Variants in ACOT7 observed in about 807,000 individuals in gnomAD.
ACOT7 encodes acyl-CoA thioesterase 7.
A neutral mutation model predicts 40.2 loss-of-function variants in ACOT7; 12 were observed. The ratio of observed to expected loss-of-function variants is 0.30; its 90% confidence interval spans 0.19 to 0.48. The LOEUF (loss-of-function observed/expected upper bound fraction) is 0.48. Among genes scored for constraint, ACOT7 ranks in the 20% least tolerant of loss-of-function variants. ACOT7 has a pLI of 0.99. For synonymous variants in ACOT7, 228 were observed against 219.5 expected, an observed-to-expected ratio of 1.04 and a Z score of -0.34; for missense variants, 395 against 530.8, an observed-to-expected ratio of 0.74 and a Z score of 2.51.
chr1:6,271,163 C>T (rs1377419613), intron 8 of ACOT7, among the ~76,000 whole-genome samples: 2 of 152,218 alleles, frequency 1.3e-5, no homozygotes, highest in African/African-American at 4.8e-5. Context: ...GAGCCAAGTG[C>T]TGCAAACCAA....
chr1:6,266,026 A>T (rs564690485), intron 8 of ACOT7, among the ~76,000 whole-genome samples: 2 of 152,172 alleles, frequency 1.3e-5, no homozygotes, highest in African/African-American at 4.8e-5. Flanking sequence ...CCTGGAGCCA[A>T]TGGAATCTTC....
intron 1 of ACOT7, among the ~76,000 whole-genome samples, chr1:6,388,072 C>G (rs1230469132): frequency 6.6e-6 from 1 of 150,436 alleles, no homozygotes; most frequent in Non-Finnish European, 1.5e-5. Flanking sequence ...TCCCAAGTAA[C>G]TGGGATTACA....
chr1:6,267,845 G>A (rs1638897096), intron 8 of ACOT7, among the ~76,000 whole-genome samples: 1 of 152,300 alleles, frequency 6.6e-6, no homozygotes, highest in African/African-American at 2.4e-5. Context: ...CTGGAGCCGG[G>A]TGTGAATCCT....
At chr1:6,339,289 T>C in intron 3 of ACOT7, 144 bp downstream of exon 3, 1 of 1,178,988 alleles carries the variant, frequency 8.5e-7, no homozygotes, top group Non-Finnish European at 1.2e-6. Context: ...ACATAGCTGC[T>C]CCCAGGGCCA....
rs190483487 is a variant in ACOT7, at chr1:6,352,512, C to T, written c.144-2646G>A. 3.4e-3 allele frequency among the ~76,000 whole-genome samples: 521 copies of T among 152,354 alleles called. 3 individuals carry two copies. Among genetic ancestry groups the T allele is most frequent in the African/African-American group, 0.012 (504 of 41,584 alleles). On this transcript the variant is annotated intron_variant, in intron 1 of 8. Transcript: ENST00000361521. The surrounding 1 kb of genome is among the most constrained non-coding windows in gnomAD (Gnocchi z 4.5). ...CATCCCAGGACAGGGTCATGACTGC[C>T]TCTGTCTAAAGGCAGGCAGGGGTGA...
chr1:6,377,106 C>G (rs1398200447), intron 1 of ACOT7, among the ~76,000 whole-genome samples: 1 of 152,224 alleles, frequency 6.6e-6, no homozygotes, highest in Admixed American at 6.5e-5. Context: ...GGATGTGGAG[C>G]ACAGGAGCCC....
chr1:6,273,660 A>T (rs938717765), intron 8 of ACOT7, among the ~76,000 whole-genome samples: 6 of 152,254 alleles, frequency 3.9e-5, no homozygotes, highest in Non-Finnish European at 8.8e-5. Context: ...GAATTTCCTA[A>T]ATTAGTCAAC....
chr1:6,366,049 C>T (rs1642003679), intron 1 of ACOT7, among the ~76,000 whole-genome samples: 1 of 151,798 alleles, frequency 6.6e-6, no homozygotes, highest in Admixed American at 6.6e-5. Context: ...CACGCGTCAC[C>T]ACGCCCAGCT....
In ACOT7 at chr1:6,340,013, T is replaced by A. The variant is rs1641227613; in HGVS notation, c.262-424A>T. 2.7e-5 allele frequency among the ~76,000 whole-genome samples: 4 copies of A among 150,852 alleles called. No homozygotes were observed. In the South Asian group the frequency reaches 8.3e-4, roughly 31 times the overall value. On this transcript the variant is annotated intron_variant, in intron 2 of 8. Transcript: ENST00000361521. ...TGGAGTCTCGCTCTGTCACCCAGGC[T>A]GGAGTGCAGTGGTGCGATCTCCCCT...
rs188240356 is a variant in ACOT7 at position 6,352,731 on chromosome 1, C to T, written c.144-2865G>A. 7.9e-5 allele frequency among the ~76,000 whole-genome samples: 12 copies of T among 151,606 alleles called. No individual in the cohort carries two copies. Among genetic ancestry groups the T allele is most frequent in the African/African-American group, 1.9e-4 (8 of 41,292 alleles). On this transcript the variant is annotated intron_variant, in intron 1 of 8. Transcript: ENST00000361521. The surrounding 1 kb of genome is among the most constrained non-coding windows in gnomAD (Gnocchi z 4.5). ...CCGAGTAGCTGGCACTACAGGCGCC[C>T]GCCACCACGCCCGGCTAATTTTTTG...
intron 3 of ACOT7, among the ~76,000 whole-genome samples, chr1:6,334,539 T>C (rs531107563): frequency 4.3e-4 from 66 of 152,326 alleles, no homozygotes; most frequent in African/African-American, 1.5e-3. Context: ...CCCCAGGAAC[T>C]TCCTTTCCTT....
intron 2 of ACOT7, among the ~76,000 whole-genome samples, chr1:6,346,679 A>G (rs1641433821): frequency 1.3e-5 from 2 of 152,236 alleles, no homozygotes; most frequent in Admixed American, 1.3e-4. Context: ...CTGCTGGAGA[A>G]CAAACCAGGC....
rs1487291618 is a variant in ACOT7 at position 6,288,026 on chromosome 1, T to C, written c.830-6740A>G. Among the ~76,000 whole-genome samples, 2 of 152,124 alleles carry C rather than the reference T, an allele frequency of 1.3e-5. No homozygotes were observed. The highest frequency in any genetic ancestry group is 6.5e-5 in the Admixed American group (1 of 15,274). On this transcript the variant is annotated intron_variant, in intron 7 of 8. Coordinates refer to ENST00000361521, the MANE Select transcript of ACOT7 (RefSeq NM_007274.4). This position sits in a 1 kb window ranked among gnomAD's most constrained non-coding sequence, Gnocchi z 4.3. ...AACTATTACACTGAAGGCAACGATA[T>C]AACTTTTTCACACCAGCTACCTCTG...
chr1:6,381,581 G>A (rs531822673), intron 1 of ACOT7, among the ~76,000 whole-genome samples: 7 of 151,708 alleles, frequency 4.6e-5, no homozygotes, highest in Non-Finnish European at 1.5e-5. Context: ...GTACACTGTC[G>A]GTGGAAATGT....
At chr1:6,303,677 C>A (rs538927013) in intron 6 of ACOT7, among the ~76,000 whole-genome samples, 2 of 152,290 alleles carry the variant, frequency 1.3e-5, no homozygotes, top group East Asian at 3.9e-4. Context: ...GTAACTTCAT[C>A]TTGTTTTAAA....
intron 1 of ACOT7, among the ~76,000 whole-genome samples, chr1:6,364,818 G>C (rs184036377): frequency 7.3e-6 from 1 of 137,476 alleles, no homozygotes; most frequent in Non-Finnish European, 1.5e-5. Flanking sequence ...ACTGCACTCC[G>C]GCCTGGGGAC....
chr1:6,392,225 A>ATGAC (rs1642543826), intron 1 of ACOT7, among the ~76,000 whole-genome samples: 1 of 152,200 alleles, frequency 6.6e-6, no homozygotes, highest in Non-Finnish European at 1.5e-5. Context: ...GCCCAAGGTC[A>ATGAC]GTCTGTGATG....
chr1:6,370,759 C>T (rs1481175600), intron 1 of ACOT7, among the ~76,000 whole-genome samples: 1 of 151,480 alleles, frequency 6.6e-6, no homozygotes, highest in African/African-American at 2.4e-5. Flanking sequence ...TCCCACAGTG[C>T]TGGGATTACA....
intron 1 of ACOT7, among the ~76,000 whole-genome samples, chr1:6,362,649 C>A (rs1641916065): frequency 6.6e-6 from 1 of 152,134 alleles, no homozygotes; most frequent in Non-Finnish European, 1.5e-5. Flanking sequence ...GAGGCCACAT[C>A]CCTCTCCCCA....
Sources: allele counts gnomAD v4.1 joint callset (sites outside exome capture counted in the v4.1 genomes callset), GRCh38; gene constraint gnomAD v4.1.1; non-coding constraint Gnocchi (gnomAD v3.1); transcripts MANE v1.5; gene names NCBI Gene and HGNC (gene_info 2026-07-23, HGNC 2026-07-21).